Variants in RASEF observed in about 807,000 individuals in gnomAD.
RASEF encodes RAS and EF-hand domain containing.
RASEF carries 68 observed loss-of-function variants against 90.1 expected under a neutral mutation model. That is an observed-to-expected ratio of 0.75 (90% CI 0.62 to 0.92). The LOEUF is 0.92. RASEF is among the 40% of genes least tolerant of loss of function. The pLI is 0.00. For synonymous variants in RASEF, 331 were observed against 345.2 expected (o/e 0.96, Z 0.46); for missense variants, 949 against 937.2 (o/e 1.01, Z -0.16).
At chr9:83,088,560 T>C in the RASEF span, among the ~76,000 whole-genome samples, 1 of 152,048 alleles carries the variant, frequency 6.6e-6, no homozygotes, top group African/African-American at 2.4e-5. Flanking sequence ...ATTTCTCCCA[T>C]AAATTCTGTC....
the RASEF span, among the ~76,000 whole-genome samples, chr9:83,207,144 G>A: frequency 6.6e-6 from 1 of 151,948 alleles, no homozygotes; most frequent in Non-Finnish European, 1.5e-5. Context: ...TTTACGGGAC[G>A]GGTCATTACT....
the RASEF span, among the ~76,000 whole-genome samples, chr9:83,143,731 T>C: frequency 6.6e-6 from 1 of 152,172 alleles, no homozygotes; most frequent in Non-Finnish European, 1.5e-5. Flanking sequence ...GTTAAGCCAC[T>C]GTGGAAAGCA....
chr9:83,113,300 TCTTTA>T, the RASEF span, among the ~76,000 whole-genome samples: 12 of 152,366 alleles, frequency 7.9e-5, no homozygotes, highest in African/African-American at 2.4e-4. Flanking sequence ...CTTATGCCTG[TCTTTA>T]CTTTAATCTC....
rs1382285278 is a variant in RASEF at position 83,053,602 on chromosome 9, G to T, written c.431+8835C>A. On this transcript the variant is annotated intron_variant, in intron 1 of 16. Transcript: ENST00000376447. The stretch of plus-strand genomic sequence containing the variant: ...TCCTGTCATTATGATGTTAGCTGGT[G>T]ATTTTGCTCATTAGTTGATGCAGTT... Among the ~76,000 whole-genome samples the T allele has an allele frequency of 7.2e-5, 9 of 125,324 alleles. No homozygotes were observed. In the East Asian group the frequency reaches 7.4e-4, roughly 10 times the overall value. The allele number at this position is 125,324 out of a possible 152,430, so 82.2% of individuals were successfully genotyped here. A position where few individuals can be genotyped will look rare whatever the true frequency, so the allele number is the denominator to read the frequency against.
At chr9:83,139,001 G>T in the RASEF span, among the ~76,000 whole-genome samples, 1 of 152,042 alleles carries the variant, frequency 6.6e-6, no homozygotes, top group Admixed American at 6.6e-5. Context: ...GGGAGCAGGG[G>T]TCACAAAACA....
chr9:83,104,432 C>T, the RASEF span, among the ~76,000 whole-genome samples: 4 of 152,140 alleles, frequency 2.6e-5, no homozygotes, highest in South Asian at 2.1e-4. Context: ...AGAGAGCTTG[C>T]GAGAAACATT....
At chr9:83,209,760 T>C in the RASEF span, among the ~76,000 whole-genome samples, 3 of 152,224 alleles carry the variant, frequency 2.0e-5, no homozygotes, top group Non-Finnish European at 2.9e-5. Flanking sequence ...ATGTCACTTT[T>C]GGAGAAAAAA....
rs1221782645 is a variant in RASEF, at chr9:83,062,556, C to G, written c.312G>C (p.Glu104Asp). The G allele has an allele frequency of 2.1e-5, 33 of 1,600,088 alleles. No individual in the cohort carries two copies. Among genetic ancestry groups the G allele is most frequent in the Non-Finnish European group, 2.8e-5 (33 of 1,173,650 alleles). The change falls in exon 1 of 17, where the codon GAG (glutamate) becomes GAC (aspartate). Residue 104 changes from glutamate (E) to aspartate (D), a missense_variant. Transcript: ENST00000376447. ...CCGCCGCGTCCTCGTCGCCTTCGTC[C>G]TCCTCGCTGTCGTGTGTCTCCGGCC... Reference protein sequence around the residue: ...EAGPETHDSEEDEGDEDAAAA... With the variant: ...EAGPETHDSEDDEGDEDAAAA...
the RASEF span, among the ~76,000 whole-genome samples, chr9:83,217,755 G>A: frequency 2.0e-5 from 3 of 152,172 alleles, no homozygotes; most frequent in Non-Finnish European, 4.4e-5. Flanking sequence ...TGTGAGAACA[G>A]ACTAATACAT....
At chr9:83,054,841 C>G (rs1265046912) in intron 1 of RASEF, 1 of 151,542 alleles carries the variant, frequency 6.6e-6, no homozygotes, top group Non-Finnish European at 1.5e-5. Context: ...GGGGGTGCCT[C>G]CCAGTTAGGC....
At chr9:83,217,208 T>A in the RASEF span, among the ~76,000 whole-genome samples, 1 of 152,170 alleles carries the variant, frequency 6.6e-6, no homozygotes, top group Non-Finnish European at 1.5e-5. Context: ...CCCCCCATTG[T>A]ATCTAGAAAT....
chr9:83,172,572 A>G, the RASEF span, among the ~76,000 whole-genome samples: 2 of 151,816 alleles, frequency 1.3e-5, no homozygotes, highest in African/African-American at 4.8e-5. Flanking sequence ...GAAGCTTATA[A>G]AAACACATTA....
the RASEF span, among the ~76,000 whole-genome samples, chr9:83,214,666 T>G: frequency 2.0e-5 from 3 of 152,222 alleles, no homozygotes; most frequent in Admixed American, 2.0e-4. Flanking sequence ...GTTCTCCTGA[T>G]AGTGAATAAG....
At chr9:83,075,077 A>G in the RASEF span, among the ~76,000 whole-genome samples, 1 of 152,220 alleles carries the variant, frequency 6.6e-6, no homozygotes. Context: ...GGATCCTATG[A>G]TCAATTCTCC....
At chr9:83,142,956 C>A in the RASEF span, among the ~76,000 whole-genome samples, 1 of 151,980 alleles carries the variant, frequency 6.6e-6, no homozygotes, top group Non-Finnish European at 1.5e-5. Flanking sequence ...TATGGGATCC[C>A]GAGTGAAAGT....
the RASEF span, among the ~76,000 whole-genome samples, chr9:83,120,074 A>C: frequency 1.6e-4 from 25 of 152,294 alleles, no homozygotes; most frequent in East Asian, 4.3e-3. Flanking sequence ...TTTGACATAT[A>C]TTGACATTTA....
At position 83,053,255 on chromosome 9, in the gene RASEF, T is replaced by C. The variant is rs1830051003; in HGVS notation, c.431+9182A>G. 2.7e-5 allele frequency among the ~76,000 whole-genome samples: 2 copies of C among 75,244 alleles called. 1 individual carries two copies. Among genetic ancestry groups the C allele is most frequent in the Admixed American group, 2.3e-4 (2 of 8,790 alleles). 49.4% of individuals were successfully genotyped at this position (75,244 alleles called of 152,430 possible). On this transcript the variant is annotated intron_variant, in intron 1 of 16. Transcript: ENST00000376447. Reference sequence around the variant, plus strand: ...GTATTGGGTGCATAAATATTTAGGATAGTTAGCTCCTCTTGTTGAATTGAT... The same window carrying C: ...GTATTGGGTGCATAAATATTTAGGACAGTTAGCTCCTCTTGTTGAATTGAT...
chr9:83,154,344 C>A, the RASEF span, among the ~76,000 whole-genome samples: 1 of 152,212 alleles, frequency 6.6e-6, no homozygotes, highest in African/African-American at 2.4e-5. Flanking sequence ...ATCTATTTGA[C>A]CGTAAGGTCT....
the RASEF span, among the ~76,000 whole-genome samples, chr9:83,183,177 T>A: frequency 7.0e-6 from 1 of 141,858 alleles, no homozygotes; most frequent in East Asian, 2.1e-4. Flanking sequence ...TTTCTTTTGT[T>A]AATTGTACTT....
Sources: gnomAD v4.1 joint callset for allele counts (sites outside exome capture counted in the v4.1 genomes callset) on GRCh38, gnomAD v4.1.1 for gene constraint, MANE v1.5 for transcripts, NCBI Gene and HGNC (gene_info 2026-07-23, HGNC 2026-07-21) for gene names.